Variants in SLC17A6 observed in about 807,000 individuals in gnomAD.
SLC17A6 encodes vesicular glutamate transporter 2.
Under a neutral mutation model 67.1 loss-of-function variants are expected in SLC17A6, and 35 were observed. The observed-to-expected ratio is 0.52, with a 90% confidence interval of 0.40 to 0.69. The LOEUF is 0.69. Among genes scored for constraint, SLC17A6 ranks in the 30% least tolerant of loss-of-function variants. The pLI is 0.00. For synonymous variants in SLC17A6, 285 were observed against 252.3 expected (o/e 1.13, Z -1.23); for missense variants, 588 against 723.9 (o/e 0.81, Z 2.15).
chr11:22,363,503 C>T (rs1856075439), intron 6 of SLC17A6, among the ~76,000 whole-genome samples: 1 of 152,124 alleles, frequency 6.6e-6, no homozygotes, highest in Non-Finnish European at 1.5e-5. Context: ...AGCTGGATCC[C>T]AACTGATATT....
rs889824278 is a variant in SLC17A6 at position 22,378,021 on chromosome 11, G to A, written c.*281G>A. Reference sequence around the variant, plus strand: ...AAGTAGTTACCCATTGGATTCATATGAGCTAAAACTCATCACTATTTACTA... The same window carrying A: ...AAGTAGTTACCCATTGGATTCATATAAGCTAAAACTCATCACTATTTACTA... On this transcript the variant is annotated 3_prime_UTR_variant, in exon 12 of 12. Coordinates refer to ENST00000263160, the MANE Select transcript of SLC17A6 (RefSeq NM_020346.3). The A allele has an allele frequency of 9.2e-6, 4 of 433,526 alleles. No individual in the cohort carries two copies. The highest frequency in any genetic ancestry group is 6.1e-5 in the South Asian group (1 of 16,416). 26.9% of individuals were successfully genotyped at this position (433,526 alleles called of 1,614,324 possible). A position where few individuals can be genotyped will look rare whatever the true frequency, so the allele number is the denominator to read the frequency against.
chr11:22,356,474 C>T (rs1363363489), intron 3 of SLC17A6, among the ~76,000 whole-genome samples: 1 of 151,994 alleles, frequency 6.6e-6, no homozygotes, highest in Non-Finnish European at 1.5e-5. Context: ...GGATTCTTAA[C>T]TAGTTACAGG....
intron 6 of SLC17A6, among the ~76,000 whole-genome samples, chr11:22,365,254 T>C (rs755591353): frequency 1.2e-4 from 18 of 152,168 alleles, no homozygotes; most frequent in Non-Finnish European, 2.2e-4. Flanking sequence ...CTGCTAAGTA[T>C]TGTCGGATGA....
At chr11:22,345,430 G>C (rs1855865999) in intron 3 of SLC17A6, among the ~76,000 whole-genome samples, 1 of 151,678 alleles carries the variant, frequency 6.6e-6, no homozygotes, top group Admixed American at 6.6e-5. Context: ...TCCTGCCTCA[G>C]CCTCCCGAGT....
chr11:22,371,073 C>T (rs1263571862), intron 8 of SLC17A6, among the ~76,000 whole-genome samples: 2 of 152,014 alleles, frequency 1.3e-5, no homozygotes, highest in Non-Finnish European at 2.9e-5. Context: ...TAGTAATGCA[C>T]GACAAAATCA....
In SLC17A6 at chr11:22,378,125, A is replaced by G. The variant is rs980531673; in HGVS notation, c.*385A>G. The G allele has an allele frequency of 1.4e-5, 3 of 211,554 alleles. No individual in the cohort carries two copies. The highest frequency in any genetic ancestry group is 2.8e-5 in the Non-Finnish European group (3 of 107,508). 13.1% of individuals were successfully genotyped at this position (211,554 alleles called of 1,614,324 possible). A position where few individuals can be genotyped will look rare whatever the true frequency, so the allele number is the denominator to read the frequency against. On this transcript the variant is annotated 3_prime_UTR_variant, in exon 12 of 12. Transcript: ENST00000263160. ...CAAAATGCACTTATATATTTGTTAC[A>G]CTGTATTGCAAGATAGCACACAGAA...
chr11:22,353,705 G>A lies in SLC17A6; in HGVS notation c.459-5708G>A, dbSNP rs80190045. ...TAATATCCATTTGTGTTTTTTAAAGGACATCTTCCATTTTAGCAATGTTTC... is the reference window on the plus strand; with the variant it reads ...TAATATCCATTTGTGTTTTTTAAAGAACATCTTCCATTTTAGCAATGTTTC... On this transcript the variant is annotated intron_variant, in intron 3 of 11. Coordinates refer to ENST00000263160, the MANE Select transcript of SLC17A6 (RefSeq NM_020346.3). Among the ~76,000 whole-genome samples the A allele has an allele frequency of 4.5e-3, 692 of 152,198 alleles. 3 individuals are homozygous for A. Among genetic ancestry groups the A allele is most frequent in the South Asian group, 6.2e-3 (30 of 4,822 alleles).
chr11:22,355,991 T>C (rs1367246050), intron 3 of SLC17A6, among the ~76,000 whole-genome samples: 3 of 152,226 alleles, frequency 2.0e-5, no homozygotes, highest in Non-Finnish European at 4.4e-5. Flanking sequence ...GTCCATCCTC[T>C]TCTTTTTCTA....
At chr11:22,339,856 G>A (rs1855793810) in intron 1 of SLC17A6, among the ~76,000 whole-genome samples, 2 of 151,874 alleles carry the variant, frequency 1.3e-5, no homozygotes, top group Admixed American at 1.3e-4. Context: ...ACTGCCATCC[G>A]GTGCAGAGCT....
intron 3 of SLC17A6, among the ~76,000 whole-genome samples, chr11:22,345,392 G>A (rs933672664): frequency 7.9e-5 from 12 of 151,156 alleles, no homozygotes; most frequent in African/African-American, 2.9e-4. Context: ...GCTCACTGCA[G>A]CCTCCACCTC....
chr11:22,362,746 T>C lies in SLC17A6; in HGVS notation c.669T>C (p.Tyr223=), dbSNP rs1229014537. 2 of 1,613,592 alleles carry C rather than the reference T, an allele frequency of 1.2e-6. No individual in the cohort carries two copies. Among genetic ancestry groups the C allele is most frequent in the Non-Finnish European group, 1.7e-6 (2 of 1,179,598 alleles). ...RLATTSFCGS[Y]AGAVIAMPLA... ...TTCTTCCTTACACTTTAGGTTCCTA[T>C]GCCGGAGCTGTGATTGCAATGCCTT... is the stretch of plus-strand genomic sequence containing the variant. The change falls in exon 6 of 12, where the codon TAT becomes TAC. Residue 223 remains tyrosine (Y), a synonymous_variant. Coordinates refer to ENST00000263160, the MANE Select transcript of SLC17A6 (RefSeq NM_020346.3).
At chr11:22,367,446 C>T (rs1856125653) in intron 7 of SLC17A6, among the ~76,000 whole-genome samples, 1 of 152,164 alleles carries the variant, frequency 6.6e-6, no homozygotes, top group Non-Finnish European at 1.5e-5. Flanking sequence ...GAACTTTCCT[C>T]TTTGTGTTTC....
At chr11:22,366,310 T>C (rs1007217568) in intron 7 of SLC17A6, among the ~76,000 whole-genome samples, 4 of 151,932 alleles carry the variant, frequency 2.6e-5, no homozygotes, top group South Asian at 2.1e-4. Flanking sequence ...GTACAACTAG[T>C]AACTGAAACC....
At chr11:22,375,851 T>C (rs1458175072) in intron 9 of SLC17A6, 131 bp from the exon 10 acceptor site, 1 of 546,842 alleles carries the variant, frequency 1.8e-6, no homozygotes, top group Non-Finnish European at 3.2e-6. Flanking sequence ...ATTATGATTA[T>C]TATTAGTTTT....
rs1855759892 is a variant in SLC17A6, at chr11:22,338,386, C to T, written c.-148C>T. ...CACTCTCCCTCCCTTCTCTCACTCTCACTCTTGCTGGAGGCGAGCCACTAC... is the reference window on the plus strand; with the variant it reads ...CACTCTCCCTCCCTTCTCTCACTCTTACTCTTGCTGGAGGCGAGCCACTAC... On this transcript the variant is annotated 5_prime_UTR_variant, in exon 1 of 12. Coordinates refer to ENST00000263160, the MANE Select transcript of SLC17A6 (RefSeq NM_020346.3). 1.7e-6 allele frequency: 1 copy of T among 598,436 alleles called. No individual in the cohort carries two copies. Among genetic ancestry groups the T allele is most frequent in the African/African-American group, 1.9e-5 (1 of 53,304 alleles). The allele number at this position is 598,436 out of a possible 1,614,324, so 37.1% of individuals were successfully genotyped here.
At chr11:22,349,314 G>T (rs756163430) in intron 3 of SLC17A6, among the ~76,000 whole-genome samples, 1 of 152,034 alleles carries the variant, frequency 6.6e-6, no homozygotes, top group Admixed American at 6.6e-5. Context: ...TTTCTATCTC[G>T]TGCATCTAGC....
intron 5 of SLC17A6, chr11:22,362,418 G>C (rs1157386485): frequency 7.7e-6 from 3 of 388,788 alleles, no homozygotes; most frequent in Non-Finnish European, 1.5e-5. Flanking sequence ...GGTTAGTATT[G>C]CCATACTCTG....
At chr11:22,354,458 G>C (rs557319765) in intron 3 of SLC17A6, among the ~76,000 whole-genome samples, 1 of 152,064 alleles carries the variant, frequency 6.6e-6, no homozygotes, top group African/African-American at 2.4e-5. Context: ...CTTATACTTC[G>C]TTTAAGAAAA....
chr11:22,350,394 A>G (rs1346636484), intron 3 of SLC17A6, among the ~76,000 whole-genome samples: 1 of 152,198 alleles, frequency 6.6e-6, no homozygotes, highest in Non-Finnish European at 1.5e-5. Context: ...AGCAGAAATC[A>G]GGCTTTAACC....
Sources: gnomAD v4.1 joint callset for allele counts (sites outside exome capture counted in the v4.1 genomes callset) on GRCh38, gnomAD v4.1.1 for gene constraint, MANE v1.5 for transcripts, NCBI Gene and HGNC (gene_info 2026-07-23, HGNC 2026-07-21) for gene names.